Variants in MYO16 observed in about 807,000 individuals in gnomAD.
MYO16 encodes the protein unconventional myosin-XVI.
MYO16 carries 94 observed loss-of-function variants against 205.3 expected under a neutral mutation model. The ratio of observed to expected loss-of-function variants is 0.46; its 90% CI spans 0.39 to 0.54. The LOEUF is 0.54. Ranked by LOEUF, MYO16 falls within the 20% of genes least tolerant of loss-of-function variation. MYO16 has a pLI of 0.00. For missense variants in MYO16, 2,315 were observed against 2,387.5 expected (o/e 0.97, Z 0.63); for synonymous variants, 988 against 954.0 (o/e 1.04, Z -0.66).
chr13:108,869,569 A>C (rs1448361673), intron 12 of MYO16, among the ~76,000 whole-genome samples: 7 of 7,510 alleles, frequency 9.3e-4, no homozygotes, highest in Non-Finnish European at 1.9e-3. Flanking sequence ...CTAAAAATAC[A>C]AAAAAAAAAA....
At chr13:109,017,973 A>G (rs1885886103) in intron 22 of MYO16, among the ~76,000 whole-genome samples, 1 of 152,186 alleles carries the variant, frequency 6.6e-6, no homozygotes, top group Non-Finnish European at 1.5e-5. Flanking sequence ...CTTTCAGCTC[A>G]TCAAAGTCAT....
At chr13:108,696,112 C>T (rs1883082101) in intron 2 of MYO16, among the ~76,000 whole-genome samples, 1 of 152,126 alleles carries the variant, frequency 6.6e-6, no homozygotes. Context: ...GAACGTGTAG[C>T]AGCTGAAATT....
At chr13:108,668,818 C>T (rs1881855783) in intron 2 of MYO16, among the ~76,000 whole-genome samples, 1 of 152,148 alleles carries the variant, frequency 6.6e-6, no homozygotes. Context: ...AACCATGCAT[C>T]CCTTTCTCCA....
chr13:108,597,307 C>T (rs1395189066), intron 1 of MYO16, among the ~76,000 whole-genome samples: 1 of 152,180 alleles, frequency 6.6e-6, no homozygotes, highest in Non-Finnish European at 1.5e-5. Context: ...TACAATCTCC[C>T]TGTAGCTATT....
intron 28 of MYO16, among the ~76,000 whole-genome samples, chr13:109,109,926 C>A (rs1204227182): frequency 6.6e-6 from 1 of 152,190 alleles, no homozygotes; most frequent in African/African-American, 2.4e-5. Context: ...TACATAAGAT[C>A]AGATGTGCAG....
rs138226975 is a variant in MYO16, at chr13:109,110,921, G to A, written c.3439-9449G>A. Among the ~76,000 whole-genome samples, 518 of 152,286 alleles carry A rather than the reference G, an allele frequency of 3.4e-3. 5 individuals carry two copies. The highest frequency in any genetic ancestry group is 0.012 in the African/African-American group (492 of 41,554). ...CCCAGCATCTGTGCCCTGCTGGTAT[G>A]AAGAAGGTGCTTGGCAAACATTTGA... On this transcript the variant is annotated intron_variant, in intron 28 of 34. Coordinates refer to ENST00000457511, the MANE Select transcript of MYO16 (RefSeq NM_001198950.3).
In MYO16 at chr13:108,964,869, A is replaced by C. The variant is rs762717970; in HGVS notation, c.2336A>C (p.Asn779Thr). 1 of 1,614,156 alleles carries C rather than the reference A, an allele frequency of 6.2e-7. No homozygotes were observed. The highest frequency in any genetic ancestry group is 1.1e-5 in the South Asian group (1 of 91,086). Residue 779 changes from asparagine to threonine, a missense_variant, in exon 20 of 35, where the codon AAT (asparagine) becomes ACT (threonine). By Grantham distance (65) the Asn-to-Thr change is moderately conservative. Coordinates refer to ENST00000457511, the MANE Select transcript of MYO16 (RefSeq NM_001198950.3). Reference sequence around the variant, plus strand: ...TTTAGCTTTTTGGTGAATACCATGAATTCTTGCCTCCACAGTCAAGATGAA... The same window carrying C: ...TTTAGCTTTTTGGTGAATACCATGACTTCTTGCCTCCACAGTCAAGATGAA... ...RLFSFLVNTMNSCLHSQDEQK... is the reference protein window; with the variant it reads ...RLFSFLVNTMTSCLHSQDEQK...
At chr13:108,763,669 T>G (rs1885684777) in intron 4 of MYO16, among the ~76,000 whole-genome samples, 2 of 152,116 alleles carry the variant, frequency 1.3e-5, no homozygotes, top group Admixed American at 6.6e-5. Context: ...AATCTTTTTG[T>G]GTGAGAGGGC....
intron 4 of MYO16, among the ~76,000 whole-genome samples, chr13:108,735,831 C>T (rs1164411197): frequency 6.6e-6 from 1 of 151,830 alleles, no homozygotes; most frequent in Non-Finnish European, 1.5e-5. Context: ...TAATGATCAC[C>T]ATTCTAACTG....
At chr13:109,099,355 A>C (rs1037234977) in intron 27 of MYO16, among the ~76,000 whole-genome samples, 1 of 152,268 alleles carries the variant, frequency 6.6e-6, no homozygotes, top group Non-Finnish European at 1.5e-5. Context: ...AGAAATGCAC[A>C]CTAACATGAT....
intron 4 of MYO16, among the ~76,000 whole-genome samples, chr13:108,781,570 G>A (rs143249327): frequency 3.9e-5 from 6 of 152,250 alleles, no homozygotes; most frequent in East Asian, 1.9e-4. Context: ...GGGCATTAGC[G>A]AGCCAAGCTT....
chr13:108,530,382 A>G, the MYO16 span, among the ~76,000 whole-genome samples: 3 of 152,356 alleles, frequency 2.0e-5, no homozygotes, highest in African/African-American at 4.8e-5. Context: ...TGATATTTCA[A>G]TGTTTGGTGT....
At chr13:109,048,284 G>T (rs1471808288) in intron 24 of MYO16, 11 of 672,152 alleles carry the variant, frequency 1.6e-5, no homozygotes, top group African/African-American at 5.5e-5. Context: ...ATGTAAATTT[G>T]TACAAAAAAA....
chr13:108,599,324 C>T (rs1878678010), intron 1 of MYO16, among the ~76,000 whole-genome samples: 1 of 148,248 alleles, frequency 6.7e-6, no homozygotes, highest in African/African-American at 2.5e-5. Flanking sequence ...GTCTTTATAG[C>T]AGCATGATTT....
At chr13:108,626,912 ATT>A (rs1350156754), upstream of MYO16, among the ~76,000 whole-genome samples, 1 of 146,610 alleles carries the variant, frequency 6.8e-6, no homozygotes, top group Non-Finnish European at 1.5e-5. Context: ...TATTATATAT[ATT>A]ATATATAGCT....
chr13:108,891,863 G>A (rs1305392490), intron 14 of MYO16, among the ~76,000 whole-genome samples: 2 of 152,176 alleles, frequency 1.3e-5, no homozygotes, highest in Non-Finnish European at 2.9e-5. Flanking sequence ...TGTGCTATTT[G>A]TGTTTGTTTC....
In MYO16 at chr13:108,880,807, G is replaced by A. The variant is rs551779909; in HGVS notation, c.1426-2252G>A. ...GAAGTCAGGTAGCATGATGCCTCCCGCTTTGTTCTTTTGGTTTAGGATTGT... is the reference window on the plus strand; with the variant it reads ...GAAGTCAGGTAGCATGATGCCTCCCACTTTGTTCTTTTGGTTTAGGATTGT... On this transcript the variant is annotated intron_variant, in intron 12 of 34. Coordinates refer to ENST00000457511, the MANE Select transcript of MYO16 (RefSeq NM_001198950.3). Among the ~76,000 whole-genome samples, 17 of 152,236 alleles carry A rather than the reference G, an allele frequency of 1.1e-4. No individual in the cohort carries two copies. In the South Asian group the frequency reaches 1.2e-3, roughly 11 times the overall value.
intron 2 of MYO16, among the ~76,000 whole-genome samples, chr13:108,677,511 G>T (rs1192920357): frequency 6.6e-6 from 1 of 151,378 alleles, no homozygotes; most frequent in Non-Finnish European, 1.5e-5. Context: ...ACATATACCT[G>T]TGTGTATTTA....
At chr13:108,529,966 G>T in the MYO16 span, among the ~76,000 whole-genome samples, 1 of 152,122 alleles carries the variant, frequency 6.6e-6, no homozygotes, top group Non-Finnish European at 1.5e-5. Flanking sequence ...TCTCACTAAG[G>T]TTTTCTAGAA....
Sources: allele counts gnomAD v4.1 joint callset (sites outside exome capture counted in the v4.1 genomes callset), GRCh38; gene constraint gnomAD v4.1.1; transcripts MANE v1.5; gene names NCBI Gene and HGNC (gene_info 2026-07-23, HGNC 2026-07-21).